The following PRKG1 variants were observed in gnomAD, a reference collection of about 807,000 sequenced individuals.
PRKG1 encodes the protein protein kinase cGMP-dependent 1.
Under a neutral mutation model 88.1 loss-of-function variants are expected in PRKG1, and 35 were observed. That is an observed-to-expected ratio of 0.40 (90% CI 0.30 to 0.53). PRKG1 has a LOEUF of 0.53. Ranked by LOEUF, PRKG1 falls within the 20% of genes least tolerant of loss-of-function variation. The pLI, the probability that PRKG1 is intolerant of heterozygous loss-of-function variation, is 0.59. For synonymous variants in PRKG1, 303 were observed against 292.5 expected, an observed-to-expected ratio of 1.04 and a Z score of -0.37; for missense variants, 540 against 839.8, an observed-to-expected ratio of 0.64 and a Z score of 4.41.
At chr10:51,197,634 T>C (rs893687062) in intron 2 of PRKG1, among the ~76,000 whole-genome samples, 1 of 151,906 alleles carries the variant, frequency 6.6e-6, no homozygotes, top group Non-Finnish European at 1.5e-5. Flanking sequence ...GAGGTACACA[T>C]ATGTAGCATA....
intron 3 of PRKG1, among the ~76,000 whole-genome samples, chr10:51,635,967 A>G (rs1349706864): frequency 9.9e-5 from 15 of 152,236 alleles, no homozygotes; most frequent in Non-Finnish European, 2.9e-5. Context: ...AAACAAATTC[A>G]TCATAAAGTA....
At chr10:51,844,675 T>C (rs1369996183) in intron 4 of PRKG1, among the ~76,000 whole-genome samples, 2 of 152,146 alleles carry the variant, frequency 1.3e-5, no homozygotes, top group Non-Finnish European at 2.9e-5. Context: ...ACAGCAATAA[T>C]GAAAGAGCAT....
chr10:51,050,131 A>G (rs906032672), intron 1 of PRKG1, among the ~76,000 whole-genome samples: 2 of 151,932 alleles, frequency 1.3e-5, no homozygotes, highest in Admixed American at 6.6e-5. Context: ...TCTTGAAAAC[A>G]CTAACATATT....
At chr10:51,570,520 G>A (rs530438718) in intron 3 of PRKG1, among the ~76,000 whole-genome samples, 1 of 152,002 alleles carries the variant, frequency 6.6e-6, no homozygotes, top group African/African-American at 2.4e-5. Flanking sequence ...AGTGGCAGAA[G>A]TGGAAGAAAA....
chr10:51,453,810 G>A lies in PRKG1; in HGVS notation c.479-13913G>A, dbSNP rs1043094253. 1.1e-4 allele frequency among the ~76,000 whole-genome samples: 17 copies of A among 151,968 alleles called. No individual in the cohort carries two copies. In the East Asian group the frequency reaches 2.9e-3, roughly 26 times the overall value. Reference sequence around the variant, plus strand: ...TTGGTAAAGAGGAAGTTAAACTGTTGTTGTCCATTGATGATATGATTGTAT... The same window carrying A: ...TTGGTAAAGAGGAAGTTAAACTGTTATTGTCCATTGATGATATGATTGTAT... On this transcript the variant is annotated intron_variant, in intron 2 of 17. Coordinates refer to ENST00000373980, the MANE Select transcript of PRKG1 (RefSeq NM_006258.4).
intron 1 of PRKG1, among the ~76,000 whole-genome samples, chr10:51,039,064 AG>A (rs974572295): frequency 6.6e-6 from 1 of 152,148 alleles, no homozygotes; most frequent in African/African-American, 2.4e-5. Flanking sequence ...ATATCTCTTC[AG>A]TATACTGATT....
chr10:52,135,294 A>G (rs1837377189), intron 8 of PRKG1, among the ~76,000 whole-genome samples: 1 of 152,154 alleles, frequency 6.6e-6, no homozygotes. Context: ...TAAACTGGCT[A>G]AAGTGAGACT....
intron 3 of PRKG1, among the ~76,000 whole-genome samples, chr10:51,658,462 C>T (rs1312321511): frequency 6.6e-6 from 1 of 151,894 alleles, no homozygotes; most frequent in Non-Finnish European, 1.5e-5. Context: ...TCCTAGGGGG[C>T]AGGTGACATG....
rs138120041 is a variant in PRKG1 at position 51,654,282 on chromosome 10, C to T, written c.593-150303C>T. Reference sequence around the variant, plus strand: ...TCCCCAATATCATTTATTGAAAAGACTGTCCTTTTCTAGTTGTGTGTTCTT... The same window carrying T: ...TCCCCAATATCATTTATTGAAAAGATTGTCCTTTTCTAGTTGTGTGTTCTT... On this transcript the variant is annotated intron_variant, in intron 3 of 17. Coordinates refer to ENST00000373980, the MANE Select transcript of PRKG1 (RefSeq NM_006258.4). 3.0e-3 allele frequency among the ~76,000 whole-genome samples: 459 copies of T among 152,280 alleles called. 3 individuals carry two copies. Among genetic ancestry groups the T allele is most frequent in the African/African-American group, 0.011 (448 of 41,568 alleles).
chr10:51,087,505 G>A (rs188471580), intron 1 of PRKG1, among the ~76,000 whole-genome samples: 13 of 152,298 alleles, frequency 8.5e-5, no homozygotes, highest in Admixed American at 2.0e-4. Context: ...CTGCAATGCA[G>A]GGTTATGTAA....
intron 9 of PRKG1, chr10:52,231,337 G>A (rs12269357): frequency 0.13 from 19,527 of 152,004 alleles, 2,212 homozygotes; most frequent in African/African-American, 0.31. Context: ...GGAGATCAAG[G>A]CTGCAGTGAA....
chr10:51,007,686 G>T (rs149746167), intron 1 of PRKG1, among the ~76,000 whole-genome samples: 3 of 152,232 alleles, frequency 2.0e-5, no homozygotes, highest in Admixed American at 2.0e-4. Flanking sequence ...TGAAACTAAC[G>T]TTATGCAAAA....
intron 2 of PRKG1, among the ~76,000 whole-genome samples, chr10:51,287,517 C>T (rs371213818): frequency 2.6e-5 from 4 of 151,856 alleles, no homozygotes; most frequent in African/African-American, 4.8e-5. Flanking sequence ...TCACATGGAG[C>T]GTAAATTCTA....
intron 7 of PRKG1, among the ~76,000 whole-genome samples, chr10:52,092,789 T>C (rs1847086021): frequency 6.6e-6 from 1 of 152,350 alleles, no homozygotes; most frequent in East Asian, 1.9e-4. Context: ...GTGTGTGTTT[T>C]ACCATTGGGA....
At chr10:51,205,427 G>A (rs986407943) in intron 2 of PRKG1, among the ~76,000 whole-genome samples, 1 of 150,012 alleles carries the variant, frequency 6.7e-6, no homozygotes, top group African/African-American at 2.5e-5. Context: ...GTGACCCACC[G>A]TGTCCACCTT....
intron 3 of PRKG1, among the ~76,000 whole-genome samples, chr10:51,786,145 A>G (rs1053717106): frequency 1.1e-4 from 16 of 152,298 alleles, no homozygotes; most frequent in African/African-American, 3.6e-4. Context: ...GTATCAATGA[A>G]GTCAGAGAAG....
intron 2 of PRKG1, among the ~76,000 whole-genome samples, chr10:51,287,643 C>T (rs983617550): frequency 2.8e-4 from 42 of 152,094 alleles, no homozygotes; most frequent in African/African-American, 1.0e-3. Context: ...GATAGGACTG[C>T]CTTAGAGAAG....
chr10:51,798,237 G>A (rs949266834), intron 3 of PRKG1, among the ~76,000 whole-genome samples: 1 of 151,966 alleles, frequency 6.6e-6, no homozygotes, highest in Non-Finnish European at 1.5e-5. Context: ...ATTTTCCACA[G>A]TGGCTGCACC....
chr10:51,580,170 G>A (rs1346955024), intron 3 of PRKG1, among the ~76,000 whole-genome samples: 1 of 152,026 alleles, frequency 6.6e-6, no homozygotes, highest in African/African-American at 2.4e-5. Context: ...ACTTGTCTTT[G>A]TCACTCTCTG....
Sources: allele counts gnomAD v4.1 joint callset (sites outside exome capture counted in the v4.1 genomes callset), GRCh38; gene constraint gnomAD v4.1.1; transcripts MANE v1.5; gene names NCBI Gene and HGNC (gene_info 2026-07-23, HGNC 2026-07-21).